Variants in CLVS1 observed in about 807,000 individuals in gnomAD.
CLVS1 encodes clavesin 1, also known as clavesin-1.
Under a neutral mutation model 33.1 loss-of-function variants are expected in CLVS1, and 10 were observed. The observed-to-expected ratio is 0.30, with a 90% confidence interval of 0.19 to 0.51. CLVS1 has a LOEUF of 0.51. CLVS1 is among the 20% of genes least tolerant of loss of function. CLVS1 has a pLI of 0.97. For synonymous variants in CLVS1, 163 were observed against 166.1 expected, an observed-to-expected ratio of 0.98 and a Z score of 0.14; for missense variants, 343 against 433.4, an observed-to-expected ratio of 0.79 and a Z score of 1.85.
chr8:61,434,517 T>G (rs933645980), intron 3 of CLVS1, among the ~76,000 whole-genome samples: 2 of 152,106 alleles, frequency 1.3e-5, no homozygotes, highest in Non-Finnish European at 2.9e-5. Context: ...TTTTATATAT[T>G]TTAGGGAGGA....
At chr8:61,462,117 CA>C (rs1331419964) in intron 5 of CLVS1, among the ~76,000 whole-genome samples, 1 of 152,122 alleles carries the variant, frequency 6.6e-6, no homozygotes, top group Non-Finnish European at 1.5e-5. Context: ...AATGCCAAAT[CA>C]GAGGAAAACT....
intron 1 of CLVS1, among the ~76,000 whole-genome samples, chr8:61,116,436 G>T (rs1452081920): frequency 6.6e-6 from 1 of 152,178 alleles, no homozygotes; most frequent in Non-Finnish European, 1.5e-5. Context: ...TAGACAGGAA[G>T]TCCTTGCCCA....
chr8:61,368,631 A>G (rs989911668), intron 2 of CLVS1, among the ~76,000 whole-genome samples: 1 of 152,188 alleles, frequency 6.6e-6, no homozygotes, highest in Non-Finnish European at 1.5e-5. Context: ...GTTTTTATAA[A>G]ATAAACACTA....
the CLVS1 span, among the ~76,000 whole-genome samples, chr8:61,050,051 T>C: frequency 1.3e-5 from 2 of 152,360 alleles, no homozygotes; most frequent in South Asian, 2.1e-4. Context: ...CGCACTGGAC[T>C]TACAGCAGGT....
intron 2 of CLVS1, among the ~76,000 whole-genome samples, chr8:61,216,384 G>T (rs1212429877): frequency 6.6e-6 from 1 of 152,166 alleles, no homozygotes; most frequent in Non-Finnish European, 1.5e-5. Flanking sequence ...TATCTGTTGA[G>T]CTCCATCCAC....
chr8:61,422,919 T>A (rs1011453850), intron 3 of CLVS1, among the ~76,000 whole-genome samples: 2 of 152,118 alleles, frequency 1.3e-5, no homozygotes, highest in Non-Finnish European at 2.9e-5. Flanking sequence ...AGAAAAGAGA[T>A]AAGCCCCTTC....
At chr8:61,385,233 T>C (rs1431599229) in intron 3 of CLVS1, among the ~76,000 whole-genome samples, 3 of 152,212 alleles carry the variant, frequency 2.0e-5, no homozygotes, top group Non-Finnish European at 1.5e-5. Flanking sequence ...GTGAATTGTT[T>C]AGTTCCACAT....
chr8:61,027,557 C>T, the CLVS1 span, among the ~76,000 whole-genome samples: 1 of 152,062 alleles, frequency 6.6e-6, no homozygotes, highest in Non-Finnish European at 1.5e-5. Flanking sequence ...TGGCCTGACC[C>T]ATTTAAAAAT....
intron 5 of CLVS1, among the ~76,000 whole-genome samples, chr8:61,495,038 CAG>C (rs1301895234): frequency 6.6e-6 from 1 of 152,086 alleles, no homozygotes; most frequent in Non-Finnish European, 1.5e-5. Flanking sequence ...AGTTTATTGG[CAG>C]AGTTAAGAGA....
chr8:61,316,095 A>G (rs1163765856), intron 2 of CLVS1, among the ~76,000 whole-genome samples: 1 of 152,188 alleles, frequency 6.6e-6, no homozygotes, highest in Non-Finnish European at 1.5e-5. Flanking sequence ...TCTATGGTGT[A>G]TATGTGTCAC....
the CLVS1 span, among the ~76,000 whole-genome samples, chr8:61,047,429 C>T: frequency 1.6e-4 from 24 of 152,274 alleles, no homozygotes; most frequent in African/African-American, 5.5e-4. Flanking sequence ...ACTAGAAATA[C>T]CATTTGACCC....
chr8:61,268,107 C>A (rs991586030), intron 2 of CLVS1, among the ~76,000 whole-genome samples: 4 of 151,862 alleles, frequency 2.6e-5, no homozygotes. Flanking sequence ...TGCTGGTGCA[C>A]TGCACCCACT....
intron 2 of CLVS1, among the ~76,000 whole-genome samples, chr8:61,159,681 A>G (rs1243074838): frequency 6.6e-6 from 1 of 152,238 alleles, no homozygotes. Flanking sequence ...ATGAAATGTC[A>G]TGAGTCAAGT....
intron 3 of CLVS1, among the ~76,000 whole-genome samples, chr8:61,433,825 A>G (rs1483738293): frequency 6.6e-6 from 1 of 152,080 alleles, no homozygotes; most frequent in East Asian, 1.9e-4. Flanking sequence ...GAGGCAGGAG[A>G]ATTGCTTAAA....
intron 1 of CLVS1, among the ~76,000 whole-genome samples, chr8:61,077,722 GA>G (rs1804947240): frequency 8.3e-6 from 1 of 120,538 alleles, no homozygotes; most frequent in Admixed American, 8.3e-5. Context: ...AGCAGACCAG[GA>G]TTTTTAAATA....
At chr8:61,319,260 CCTCA>C (rs1319348165) in intron 2 of CLVS1, among the ~76,000 whole-genome samples, 1 of 152,108 alleles carries the variant, frequency 6.6e-6, no homozygotes, top group African/African-American at 2.4e-5. Context: ...CTTTCTGTGG[CCTCA>C]CTAATTCTGT....
intron 3 of CLVS1, among the ~76,000 whole-genome samples, chr8:61,404,444 A>G (rs1814899041): frequency 6.6e-6 from 1 of 152,208 alleles, no homozygotes; most frequent in Admixed American, 6.5e-5. Context: ...TCATTTCAAT[A>G]CCCATGGGAA....
At chr8:61,226,839 G>A (rs1157178713) in intron 2 of CLVS1, among the ~76,000 whole-genome samples, 2 of 152,176 alleles carry the variant, frequency 1.3e-5, no homozygotes, top group Non-Finnish European at 2.9e-5. Flanking sequence ...ACATCGGAAG[G>A]CAATGGGATC....
rs924088665 is a variant in CLVS1, at chr8:61,110,638, T to C, written c.-242-21132T>C. ...ACACTGTTGTGCAACCAAAGTCTAG[T>C]GTAGAACTTTTTCACCTTGCAAAAC... On this transcript the variant is annotated intron_variant, in intron 1 of 2. Transcript: ENST00000522621. Among the ~76,000 whole-genome samples the C allele has an allele frequency of 2.6e-5, 4 of 152,304 alleles. No individual in the cohort carries two copies. The East Asian group carries it at 7.7e-4, about 29-fold the overall frequency.
Sources: gnomAD v4.1 joint callset for allele counts (sites outside exome capture counted in the v4.1 genomes callset) on GRCh38, gnomAD v4.1.1 for gene constraint, MANE v1.5 for transcripts, NCBI Gene and HGNC (gene_info 2026-07-23, HGNC 2026-07-21) for gene names.